ANO2: variants seen among roughly 807,000 people sequenced by gnomAD.
ANO2 encodes anoctamin-2.
ANO2 carries 101 observed loss-of-function variants against 124.2 expected under a neutral mutation model. The ratio of observed to expected loss-of-function variants is 0.81; its 90% CI spans 0.69 to 0.96. The LOEUF (loss-of-function observed/expected upper bound fraction) is 0.96, where lower values mean the gene tolerates loss of function less well. Ranked by LOEUF, ANO2 falls within the 40% of genes least tolerant of loss-of-function variation. ANO2 has a pLI of 0.00. For missense variants in ANO2, 1,293 were observed against 1,274.5 expected (o/e 1.01, Z -0.22); for synonymous variants, 486 against 482.5 (o/e 1.01, Z -0.09).
intron 23 of ANO2, among the ~76,000 whole-genome samples, chr12:5,574,330 T>C (rs543915153): frequency 6.6e-6 from 1 of 152,286 alleles, no homozygotes; most frequent in East Asian, 1.9e-4. Flanking sequence ...CCAGTGCTGA[T>C]GGCCTTCAAT....
At chr12:5,874,261 C>T (rs577433002) in intron 3 of ANO2, among the ~76,000 whole-genome samples, 76 of 152,292 alleles carry the variant, frequency 5.0e-4, no homozygotes, top group Non-Finnish European at 9.1e-4. Flanking sequence ...AGTCCCAGGG[C>T]TCAGTTCACA....
chr12:5,777,414 G>A (rs76958267), intron 10 of ANO2, among the ~76,000 whole-genome samples: 2 of 110,918 alleles, frequency 1.8e-5, no homozygotes, highest in African/African-American at 7.8e-5. Flanking sequence ...AAAAAATCAG[G>A]AGAAGAAAGA....
At chr12:5,601,839 G>A (rs77029775) in intron 19 of ANO2, among the ~76,000 whole-genome samples, 2,760 of 152,278 alleles carry the variant, frequency 0.018, 58 homozygotes, top group African/African-American at 0.051. Flanking sequence ...CTTGGAAGAC[G>A]GACAGTGTAC....
rs60128304 is a variant in ANO2, at chr12:5,635,599, T to TCACA, written c.1621-256_1621-253dup. On this transcript the variant is annotated intron_variant, in intron 15 of 24. Coordinates refer to ENST00000682330, the MANE Select transcript of ANO2 (RefSeq NM_001364791.2). The surrounding 1 kb of genome is among the most constrained non-coding windows in gnomAD (Gnocchi z 5.2). ...TTTTTGTCAGATTCCAAATGATTTATCACACACACACACACACACACACAC... is the reference window on the plus strand; with the variant it reads ...TTTTTGTCAGATTCCAAATGATTTATCACACACACACACACACACACACACACAC... 0.19 allele frequency among the ~76,000 whole-genome samples: 27,640 copies of TCACA among 146,590 alleles called. 2,972 individuals carry two copies. The highest frequency in any genetic ancestry group is 0.29 in the Admixed American group (4,241 of 14,678).
rs531798683 is a variant in ANO2 at position 5,686,033 on chromosome 12, T to C, written c.1546-38232A>G. On this transcript the variant is annotated intron_variant, in intron 14 of 24. Transcript: ENST00000682330. ...TTCCCATCCTGAAAAGGATCAGCTT[T>C]GGTATCAGGCAGCAGAGACAAGCCA... Among the ~76,000 whole-genome samples the C allele has an allele frequency of 5.3e-4, 81 of 152,288 alleles. 1 individual carries two copies. In the South Asian group the frequency reaches 0.017, roughly 31 times the overall value.
intron 3 of ANO2, among the ~76,000 whole-genome samples, chr12:5,863,085 C>G (rs539304669): frequency 1.3e-5 from 2 of 152,202 alleles, no homozygotes; most frequent in African/African-American, 4.8e-5. Context: ...GATTGGGAGG[C>G]CTTCCCACCC....
chr12:5,788,084 C>G (rs1952588044), intron 10 of ANO2, among the ~76,000 whole-genome samples: 4 of 152,172 alleles, frequency 2.6e-5, no homozygotes. Context: ...GCAAGAAGTA[C>G]TTCATGTTTT....
chr12:5,920,720 A>G (rs1351418804), intron 3 of ANO2, among the ~76,000 whole-genome samples: 3 of 152,068 alleles, frequency 2.0e-5, no homozygotes, highest in African/African-American at 7.2e-5. Context: ...ACAAAAAATT[A>G]GCTGGGTCTG....
intron 19 of ANO2, among the ~76,000 whole-genome samples, chr12:5,602,853 C>T (rs7315619): frequency 0.2 from 29,937 of 152,154 alleles, 3,048 homozygotes; most frequent in Non-Finnish European, 0.22. Flanking sequence ...GCCCTTGACA[C>T]TAGAAGACTC....
intron 4 of ANO2, among the ~76,000 whole-genome samples, chr12:5,853,385 CT>C (rs1477706803): frequency 6.6e-6 from 1 of 151,776 alleles, no homozygotes; most frequent in African/African-American, 2.4e-5. Flanking sequence ...AACTGTGTGG[CT>C]GTCAACCCAG....
intron 20 of ANO2, among the ~76,000 whole-genome samples, chr12:5,580,723 C>T (rs764852686): frequency 1.3e-5 from 2 of 152,208 alleles, no homozygotes; most frequent in Non-Finnish European, 2.9e-5. Context: ...AGGGAACAGG[C>T]ATGGAACTTT....
At chr12:5,630,258 C>A (rs1860362010) in intron 16 of ANO2, among the ~76,000 whole-genome samples, 1 of 152,212 alleles carries the variant, frequency 6.6e-6, no homozygotes, top group African/African-American at 2.4e-5. Flanking sequence ...TTAAACCCAG[C>A]GTGAGAATGG....
At chr12:5,706,124 T>G (rs1181332245) in intron 14 of ANO2, among the ~76,000 whole-genome samples, 1 of 152,196 alleles carries the variant, frequency 6.6e-6, no homozygotes, top group Admixed American at 6.5e-5. Context: ...CGTGGCAATA[T>G]TCTTTAACCT....
chr12:5,753,773 C>A (rs1024358043), intron 10 of ANO2, among the ~76,000 whole-genome samples: 2 of 151,974 alleles, frequency 1.3e-5, no homozygotes, highest in Non-Finnish European at 2.9e-5. Context: ...TTTATTATTT[C>A]TAAAAGTTTT....
chr12:5,802,426 C>T (rs946811389), intron 9 of ANO2, among the ~76,000 whole-genome samples: 12 of 152,350 alleles, frequency 7.9e-5, no homozygotes, highest in African/African-American at 2.4e-4. Context: ...AGCAATTACG[C>T]CTGGATGCCC....
chr12:5,791,611 A>G (rs1057225801), intron 10 of ANO2, among the ~76,000 whole-genome samples: 4 of 152,200 alleles, frequency 2.6e-5, no homozygotes, highest in Non-Finnish European at 4.4e-5. Flanking sequence ...GAAAAAAATA[A>G]AAGTTTCTAG....
At chr12:5,939,724 G>C (rs1229554354) in intron 1 of ANO2, among the ~76,000 whole-genome samples, 1 of 152,198 alleles carries the variant, frequency 6.6e-6, no homozygotes, top group Non-Finnish European at 1.5e-5. Flanking sequence ...AACAGGCATG[G>C]AAGGCTTCCA....
intron 3 of ANO2, among the ~76,000 whole-genome samples, chr12:5,892,972 GAC>G (rs1939512763): frequency 6.6e-6 from 1 of 152,040 alleles, no homozygotes; most frequent in Non-Finnish European, 1.5e-5. Flanking sequence ...TAATACATAA[GAC>G]AAATACAAAG....
At position 5,912,648 on chromosome 12, in the gene ANO2, C is replaced by T. The variant is rs115201832; in HGVS notation, c.534+8392G>A. 3.2e-3 allele frequency among the ~76,000 whole-genome samples: 493 copies of T among 152,324 alleles called. 4 individuals are homozygous for T. Among genetic ancestry groups the T allele is most frequent in the African/African-American group, 0.011 (468 of 41,578 alleles). Reference sequence around the variant, plus strand: ...ATCCAGCCAGCCCTACTGTGCCTCCCTGTCTCAGCTGTGCGGTCCCAGGGG... The same window carrying T: ...ATCCAGCCAGCCCTACTGTGCCTCCTTGTCTCAGCTGTGCGGTCCCAGGGG... On this transcript the variant is annotated intron_variant, in intron 3 of 24. Transcript: ENST00000682330.
Sources: allele counts gnomAD v4.1 joint callset (sites outside exome capture counted in the v4.1 genomes callset), GRCh38; gene constraint gnomAD v4.1.1; non-coding constraint Gnocchi (gnomAD v3.1); transcripts MANE v1.5; gene names NCBI Gene and HGNC (gene_info 2026-07-23, HGNC 2026-07-21).